BMP5: variants seen among roughly 807,000 people sequenced by gnomAD.
The protein encoded by BMP5 is bone morphogenetic protein 5.
BMP5 carries 23 observed loss-of-function variants against 46.6 expected under a neutral mutation model. That is an observed-to-expected ratio of 0.49 (90% CI 0.35 to 0.70). The LOEUF (loss-of-function observed/expected upper bound fraction) is 0.70. Ranked by LOEUF, BMP5 falls within the 30% of genes least tolerant of loss-of-function variation. The probability of loss-of-function intolerance (pLI) is 0.00; values close to 1 mark genes in which losing one functional copy is unlikely to be tolerated. For missense variants in BMP5, 545 were observed against 565.6 expected, an observed-to-expected ratio of 0.96 and a Z score of 0.37; for synonymous variants, 204 against 191.9, an observed-to-expected ratio of 1.06 and a Z score of -0.52.
At position 55,755,470 on chromosome 6, in the gene BMP5, G is replaced by T. The variant is rs973417176; in HGVS notation, c.*63C>A. 2.0e-6 allele frequency: 3 copies of T among 1,495,654 alleles called. No individual in the cohort carries two copies. Among genetic ancestry groups the T allele is most frequent in the African/African-American group, 2.8e-5 (2 of 71,196 alleles). The allele number at this position is 1,495,654 out of a possible 1,614,324, so 92.6% of individuals were successfully genotyped here. On this transcript the variant is annotated 3_prime_UTR_variant, in exon 7 of 7. Coordinates refer to ENST00000370830, the MANE Select transcript of BMP5 (RefSeq NM_021073.4). ...AAATTCCCCGTTTGTCTGAAAGTATGCTTTTTATTGCAGCCATAAACCTTA... is the reference window on the plus strand; with the variant it reads ...AAATTCCCCGTTTGTCTGAAAGTATTCTTTTTATTGCAGCCATAAACCTTA...
intron 3 of BMP5, among the ~76,000 whole-genome samples, chr6:55,785,329 T>C (rs1435194585): frequency 6.6e-6 from 1 of 151,816 alleles, no homozygotes; most frequent in Non-Finnish European, 1.5e-5. Flanking sequence ...ATATGGCTAA[T>C]AAGAGAATTA....
chr6:55,765,234 T>A (rs1024977533), intron 4 of BMP5, among the ~76,000 whole-genome samples: 7 of 151,854 alleles, frequency 4.6e-5, no homozygotes, highest in African/African-American at 7.3e-5. Context: ...TCATATACCA[T>A]TTTTTTTCTT....
intron 1 of BMP5, among the ~76,000 whole-genome samples, chr6:55,830,243 G>A (rs1484485421): frequency 1.3e-5 from 2 of 151,990 alleles, no homozygotes; most frequent in Non-Finnish European, 2.9e-5. Flanking sequence ...GATTTAACAG[G>A]TGCCAGAATC....
At chr6:55,847,572 G>A (rs1021102777) in intron 1 of BMP5, among the ~76,000 whole-genome samples, 1 of 151,764 alleles carries the variant, frequency 6.6e-6, no homozygotes, top group African/African-American at 2.4e-5. Flanking sequence ...GCCAAAAAAA[G>A]TGCTATTATT....
intron 3 of BMP5, among the ~76,000 whole-genome samples, chr6:55,785,948 A>G (rs1775438127): frequency 1.3e-5 from 2 of 151,870 alleles, no homozygotes; most frequent in South Asian, 2.1e-4. Flanking sequence ...AATCCTGCTA[A>G]ATGCTGTAAA....
At chr6:55,857,011 C>G (rs1452111342) in intron 1 of BMP5, among the ~76,000 whole-genome samples, 1 of 152,112 alleles carries the variant, frequency 6.6e-6, no homozygotes, top group Non-Finnish European at 1.5e-5. Flanking sequence ...GTTGACACTG[C>G]CGAAGCTTTG....
At chr6:55,761,181 C>T (rs977288364) in intron 4 of BMP5, among the ~76,000 whole-genome samples, 1 of 151,984 alleles carries the variant, frequency 6.6e-6, no homozygotes, top group African/African-American at 2.4e-5. Flanking sequence ...GGAAATCTCA[C>T]ACACTATCTT....
intron 2 of BMP5, among the ~76,000 whole-genome samples, chr6:55,806,191 T>A (rs1775984102): frequency 6.6e-6 from 1 of 152,242 alleles, no homozygotes; most frequent in African/African-American, 2.4e-5. Flanking sequence ...CTAGGGTTTT[T>A]ATGATTTGGG....
intron 3 of BMP5, among the ~76,000 whole-genome samples, chr6:55,780,494 G>GAAAGAAAGAAAA (rs1404136875): frequency 7.4e-6 from 1 of 135,516 alleles, no homozygotes. Context: ...AAGAAAGAAA[G>GAAAGAAAGAAAA]AAAGAAACGT....
At chr6:55,851,913 G>A (rs2127549937) in intron 1 of BMP5, among the ~76,000 whole-genome samples, 1 of 152,208 alleles carries the variant, frequency 6.6e-6, no homozygotes, top group South Asian at 2.1e-4. Flanking sequence ...TTATTGCAAA[G>A]GTATCTTGAG....
intron 6 of BMP5, 90 bp downstream of exon 6, chr6:55,758,915 T>A: frequency 2.1e-6 from 2 of 933,722 alleles, no homozygotes; most frequent in South Asian, 1.3e-5. Flanking sequence ...AATAATGCAT[T>A]AAAATTGTAA....
Position 55,841,600 on chromosome 6 carries a change from GTGTT to G in BMP5, c.491-21757_491-21754del, listed in dbSNP as rs60374008. On this transcript the variant is annotated intron_variant, in intron 1 of 6. Coordinates refer to ENST00000370830, the MANE Select transcript of BMP5 (RefSeq NM_021073.4). ...TCAAGGTGTCACAGGTCTGGTGGTGGTGTTTGTTTGTTTGTTTGTTTGTTTGTAG... is the reference window on the plus strand; with the variant it reads ...TCAAGGTGTCACAGGTCTGGTGGTGGTGTTTGTTTGTTTGTTTGTTTGTAG... Among the ~76,000 whole-genome samples, 146 of 150,746 alleles carry G rather than the reference GTGTT, an allele frequency of 9.7e-4. No homozygotes were observed. The South Asian group carries it at 0.016, about 17-fold the overall frequency.
chr6:55,780,993 T>C (rs1318569811), intron 3 of BMP5, among the ~76,000 whole-genome samples: 1 of 152,094 alleles, frequency 6.6e-6, no homozygotes, highest in Non-Finnish European at 1.5e-5. Flanking sequence ...GCCCAACAAA[T>C]GTGTTTTACT....
Position 55,864,726 on chromosome 6 carries a change from A to G in BMP5, c.490+9650T>C, listed in dbSNP as rs1777601738. On this transcript the variant is annotated intron_variant, in intron 1 of 6. Transcript: ENST00000370830. Reference sequence around the variant, plus strand: ...TTTCCCACTCAATATATAATGAAATATCAAAAATCAATGTGATGATTTTAC... The same window carrying G: ...TTTCCCACTCAATATATAATGAAATGTCAAAAATCAATGTGATGATTTTAC... Among the ~76,000 whole-genome samples the G allele has an allele frequency of 2.0e-5, 3 of 152,190 alleles. 1 individual carries two copies. The South Asian group carries it at 6.2e-4, about 32-fold the overall frequency.
intron 6 of BMP5, among the ~76,000 whole-genome samples, chr6:55,757,389 A>G (rs1356580602): frequency 6.6e-6 from 1 of 152,000 alleles, no homozygotes; most frequent in Non-Finnish European, 1.5e-5. Context: ...ACCTTACAGA[A>G]AGACAGTGAT....
chr6:55,769,592 A>G (rs1394155713), intron 4 of BMP5, among the ~76,000 whole-genome samples: 1 of 151,932 alleles, frequency 6.6e-6, no homozygotes, highest in Non-Finnish European at 1.5e-5. Context: ...ACCCTTGTTA[A>G]TGTTGATATT....
rs1459050108 is a variant in BMP5, at chr6:55,755,663, T to G, written c.1235A>C (p.Asp412Ala). 1 of 1,612,156 alleles carries G rather than the reference T, an allele frequency of 6.2e-7. No individual in the cohort carries two copies. The highest frequency in any genetic ancestry group is 2.2e-5 in the East Asian group (1 of 44,816). ...VQTLVHLMFP[D>A]HVPKPCCAPT... ...AGCACAACAAGGCTTTGGTACGTGG[T>G]CAGGAAACATCAGATGAACCTGGGA... Residue 412 changes from aspartate (D) to alanine (A), a missense_variant, in exon 7 of 7, where the codon GAC (aspartate) becomes GCC (alanine). Coordinates refer to ENST00000370830, the MANE Select transcript of BMP5 (RefSeq NM_021073.4).
chr6:55,812,940 T>C (rs1776168868), intron 2 of BMP5, among the ~76,000 whole-genome samples: 1 of 152,146 alleles, frequency 6.6e-6, no homozygotes, highest in African/African-American at 2.4e-5. Flanking sequence ...AGTTCCAAAG[T>C]TGTGGTAACT....
At chr6:55,868,591 T>C (rs1207098355) in intron 1 of BMP5, among the ~76,000 whole-genome samples, 2 of 152,310 alleles carry the variant, frequency 1.3e-5, no homozygotes, top group East Asian at 3.9e-4. Context: ...TTTTCTCTTT[T>C]TAAACATTGT....
Sources: gnomAD v4.1 joint callset for allele counts (sites outside exome capture counted in the v4.1 genomes callset) on GRCh38, gnomAD v4.1.1 for gene constraint, MANE v1.5 for transcripts, NCBI Gene and HGNC (gene_info 2026-07-23, HGNC 2026-07-21) for gene names.